FARP1: variants seen among roughly 807,000 people sequenced by gnomAD.
FARP1 encodes the protein FERM, ARH/RhoGEF and pleckstrin domain protein 1, also known as FERM, ARHGEF and pleckstrin domain-containing protein 1.
Under a neutral mutation model 128.8 loss-of-function variants are expected in FARP1, and 52 were observed. The observed-to-expected ratio is 0.40, with a 90% CI of 0.32 to 0.51. FARP1 has a LOEUF of 0.51. Ranked by LOEUF, FARP1 falls within the 20% of genes least tolerant of loss-of-function variation. The pLI, the probability that FARP1 is intolerant of heterozygous loss-of-function variation, is 0.45. For synonymous variants in FARP1, 580 were observed against 551.8 expected (o/e 1.05, Z -0.72); for missense variants, 1,333 against 1,367.9 (o/e 0.97, Z 0.40).
chr13:98,439,764 G>C (rs1461324550), intron 21 of FARP1, among the ~76,000 whole-genome samples, 197 bp from the exon 22 acceptor site: 1 of 152,194 alleles, frequency 6.6e-6, no homozygotes, highest in Non-Finnish European at 1.5e-5. Flanking sequence ...AAAACATTCA[G>C]TGTGCCGCGA....
intron 12 of FARP1, among the ~76,000 whole-genome samples, chr13:98,394,289 G>T (rs539853797): frequency 6.6e-6 from 1 of 152,310 alleles, no homozygotes; most frequent in Non-Finnish European, 1.5e-5. Context: ...AAGAGAAAAA[G>T]AAACTTGGGG....
intron 2 of FARP1, among the ~76,000 whole-genome samples, chr13:98,225,818 A>T (rs1881729152): frequency 6.6e-6 from 1 of 152,092 alleles, no homozygotes; most frequent in South Asian, 2.1e-4. Context: ...AAAATGCTGG[A>T]TCCAGGGGCC....
intron 2 of FARP1, among the ~76,000 whole-genome samples, chr13:98,278,788 C>T (rs181934415): frequency 2.6e-5 from 4 of 151,164 alleles, no homozygotes; most frequent in Non-Finnish European, 4.4e-5. Context: ...CCTGCTGTGA[C>T]GAGGCTGCAT....
chr13:98,200,588 T>G (rs1879877590), intron 1 of FARP1, among the ~76,000 whole-genome samples: 1 of 152,154 alleles, frequency 6.6e-6, no homozygotes, highest in South Asian at 2.1e-4. Flanking sequence ...GGCCTGATGT[T>G]CTCACAGTTC....
At chr13:98,246,720 T>TA (rs1883089249) in intron 2 of FARP1, among the ~76,000 whole-genome samples, 1 of 152,172 alleles carries the variant, frequency 6.6e-6, no homozygotes, top group Admixed American at 6.5e-5. Context: ...ACCAGGTACT[T>TA]ACACCACAAA....
chr13:98,277,148 A>ACACACACACACCCCC (rs372627844), intron 2 of FARP1, among the ~76,000 whole-genome samples: 1 of 138,580 alleles, frequency 7.2e-6, no homozygotes, highest in Non-Finnish European at 1.6e-5. Flanking sequence ...ACACACACAC[A>ACACACACACACCCCC]CCCCATATGT....
chr13:98,373,530 A>ACAGC (rs1383452235), intron 5 of FARP1, among the ~76,000 whole-genome samples: 3 of 113,646 alleles, frequency 2.6e-5, no homozygotes, highest in African/African-American at 1.1e-4. Flanking sequence ...AGACAGACAG[A>ACAGC]CAGACACACA....
At chr13:98,280,104 G>A (rs1250784620) in intron 2 of FARP1, among the ~76,000 whole-genome samples, 2 of 152,116 alleles carry the variant, frequency 1.3e-5, no homozygotes, top group Non-Finnish European at 2.9e-5. Context: ...TGCAGTGCCC[G>A]TGGCTCCCCT....
intron 3 of FARP1, among the ~76,000 whole-genome samples, chr13:98,348,405 G>A (rs1321849954): frequency 4.6e-5 from 7 of 152,268 alleles, no homozygotes; most frequent in Admixed American, 3.9e-4. Flanking sequence ...TTGGTACATA[G>A]AGTCTGAAGG....
At chr13:98,374,116 G>GT (rs1383323388) in intron 5 of FARP1, among the ~76,000 whole-genome samples, 3 of 152,004 alleles carry the variant, frequency 2.0e-5, no homozygotes, top group Admixed American at 6.6e-5. Context: ...ACTGTCCTTT[G>GT]TATCTGTTTA....
intron 6 of FARP1, 124 bp from the exon 7 acceptor site, chr13:98,384,606 T>A: frequency 3.1e-6 from 2 of 640,580 alleles, no homozygotes; most frequent in Non-Finnish European, 5.6e-6. Flanking sequence ...GCCCTTCTGA[T>A]GTTCCCCACC....
chr13:98,382,024 A>T (rs192125274), intron 6 of FARP1, among the ~76,000 whole-genome samples: 1 of 151,956 alleles, frequency 6.6e-6, no homozygotes, highest in Admixed American at 6.6e-5. Context: ...AGAGTTCAAG[A>T]CTAGCCTGGG....
chr13:98,187,255 G>T (rs894308015), intron 1 of FARP1, among the ~76,000 whole-genome samples: 1 of 152,084 alleles, frequency 6.6e-6, no homozygotes, highest in African/African-American at 2.4e-5. Flanking sequence ...ATGTCTTTCT[G>T]TGAGCCTCCT....
intron 2 of FARP1, among the ~76,000 whole-genome samples, chr13:98,217,257 T>C (rs999546635): frequency 3.3e-5 from 5 of 152,006 alleles, no homozygotes; most frequent in Non-Finnish European, 4.4e-5. Context: ...TATTTTTTGC[T>C]TCTTTTGAGC....
intron 2 of FARP1, among the ~76,000 whole-genome samples, chr13:98,296,517 C>G (rs1029829886): frequency 6.6e-6 from 1 of 151,412 alleles, no homozygotes; most frequent in South Asian, 2.1e-4. Context: ...GACAGGGACC[C>G]CCCGCTCTTC....
At chr13:98,203,397 T>C (rs761281133) in intron 1 of FARP1, among the ~76,000 whole-genome samples, 2 of 152,252 alleles carry the variant, frequency 1.3e-5, no homozygotes, top group Non-Finnish European at 2.9e-5. Context: ...TGCCCTTTGC[T>C]GTTGATCGAG....
intron 2 of FARP1, among the ~76,000 whole-genome samples, chr13:98,222,437 G>C (rs1881468245): frequency 6.6e-6 from 1 of 152,152 alleles, no homozygotes; most frequent in Non-Finnish European, 1.5e-5. Context: ...TAGTCTCACA[G>C]GGCATAAGTG....
chr13:98,191,069 A>G (rs1879198786), intron 1 of FARP1, among the ~76,000 whole-genome samples: 1 of 152,090 alleles, frequency 6.6e-6, no homozygotes. Context: ...CGTGGCCAGG[A>G]CCTTTCCTCT....
intron 3 of FARP1, among the ~76,000 whole-genome samples, chr13:98,352,579 G>A (rs77109146): frequency 6.6e-6 from 1 of 152,178 alleles, no homozygotes; most frequent in South Asian, 2.1e-4. Context: ...TGGGAGCTTT[G>A]AAAAGCTACT....
Sources: gnomAD v4.1 joint callset for allele counts (sites outside exome capture counted in the v4.1 genomes callset) on GRCh38, gnomAD v4.1.1 for gene constraint, MANE v1.5 for transcripts, NCBI Gene and HGNC (gene_info 2026-07-23, HGNC 2026-07-21) for gene names.